SCTR: variants seen among roughly 807,000 people sequenced by gnomAD.
SCTR encodes secretin receptor.
In SCTR, 56 loss-of-function variants were observed where a neutral mutation model predicts 60.8. The observed-to-expected ratio is 0.92, with a 90% CI of 0.74 to 1.15. The LOEUF is 1.15. SCTR is among the 50% of genes most tolerant of loss of function. The probability of loss-of-function intolerance (pLI) is 0.00; values close to 1 mark genes in which losing one functional copy is unlikely to be tolerated. For missense variants in SCTR, 562 were observed against 550.4 expected, an observed-to-expected ratio of 1.02 and a Z score of -0.21; for synonymous variants, 202 against 217.0, an observed-to-expected ratio of 0.93 and a Z score of 0.61.
At chr2:119,496,762 C>CCACT (rs1199517697) in intron 1 of SCTR, among the ~76,000 whole-genome samples, 2 of 152,186 alleles carry the variant, frequency 1.3e-5, no homozygotes, top group Non-Finnish European at 2.9e-5. Context: ...TCTAGCGAAA[C>CCACT]AGAAAACTTT....
chr2:119,469,380 C>T (rs575282475), intron 4 of SCTR, among the ~76,000 whole-genome samples: 43 of 152,240 alleles, frequency 2.8e-4, no homozygotes, highest in Admixed American at 1.1e-3. Flanking sequence ...GTGACCAGCC[C>T]GCTTCTCATG....
At chr2:119,470,898 G>A (rs1455220426) in intron 4 of SCTR, among the ~76,000 whole-genome samples, 2 of 152,076 alleles carry the variant, frequency 1.3e-5, no homozygotes, top group Admixed American at 1.3e-4. Flanking sequence ...ACAGAGTTTC[G>A]CCATGTTGGC....
Position 119,524,258 on chromosome 2 carries a change from C to G in SCTR, c.-32G>C. ...CGCACGTTCCCCGAGGGCGCCCCGA[C>G]GTCCGCCTGCCCGTGCCCTCTGCCC... On this transcript the variant is annotated 5_prime_UTR_variant, in exon 1 of 13. Transcript: ENST00000019103. 1 of 1,391,764 alleles carries G rather than the reference C, an allele frequency of 7.2e-7. No individual in the cohort carries two copies. The highest frequency in any genetic ancestry group is 9.4e-7 in the Non-Finnish European group (1 of 1,064,660). 86.2% of individuals were successfully genotyped at this position (1,391,764 alleles called of 1,614,324 possible).
intron 1 of SCTR, among the ~76,000 whole-genome samples, chr2:119,495,213 A>T (rs1316616043): frequency 1.3e-5 from 2 of 152,222 alleles, no homozygotes; most frequent in Non-Finnish European, 2.9e-5. Context: ...ACTGGTATCA[A>T]ACTCCTGGGA....
At chr2:119,452,310 G>A (rs1683205196) in intron 8 of SCTR, among the ~76,000 whole-genome samples, 2 of 152,184 alleles carry the variant, frequency 1.3e-5, no homozygotes, top group Admixed American at 6.5e-5. Context: ...TGAGAGCCGG[G>A]AGACTCCCAG....
chr2:119,462,114 C>T (rs893610), intron 6 of SCTR, 114 bp from the exon 7 acceptor site: 160,242 of 1,025,120 alleles, frequency 0.16, 14,055 homozygotes, highest in South Asian at 0.28. Flanking sequence ...GCCACAAGAG[C>T]GGGCCTCTGG....
intron 3 of SCTR, chr2:119,476,771 A>G (rs1352947493): frequency 6.6e-6 from 1 of 152,492 alleles, no homozygotes; most frequent in Non-Finnish European, 1.5e-5. Context: ...AGTCCTTTCC[A>G]TCAGGAGAAA....
At chr2:119,513,139 G>A (rs1191835610) in intron 1 of SCTR, among the ~76,000 whole-genome samples, 1 of 152,200 alleles carries the variant, frequency 6.6e-6, no homozygotes, top group African/African-American at 2.4e-5. Flanking sequence ...CCTTTCCAGG[G>A]TGCCACAGGA....
intron 7 of SCTR, among the ~76,000 whole-genome samples, chr2:119,456,224 C>A (rs560996976): frequency 6.6e-6 from 1 of 152,068 alleles, no homozygotes; most frequent in African/African-American, 2.4e-5. Flanking sequence ...CCACCCCTGA[C>A]TAATTTTTGT....
At chr2:119,462,202 T>G (rs545101673) in intron 6 of SCTR, among the ~76,000 whole-genome samples, 70 of 152,270 alleles carry the variant, frequency 4.6e-4, no homozygotes, top group African/African-American at 1.7e-3. Context: ...ACAGGCCTAG[T>G]GGGTTCAGTC....
chr2:119,440,407 C>T, intron 12 of SCTR, 150 bp from the exon 13 acceptor site: 1 of 852,178 alleles, frequency 1.2e-6, no homozygotes, highest in African/African-American at 1.7e-5. Context: ...TTGACTGTTT[C>T]CAGCCCCAAT....
chr2:119,469,511 GAC>G (rs1160279887), intron 4 of SCTR, among the ~76,000 whole-genome samples: 42 of 152,132 alleles, frequency 2.8e-4, no homozygotes, highest in African/African-American at 9.9e-4. Flanking sequence ...TGGTTTTTGA[GAC>G]AGGGTCTCAC....
At chr2:119,459,579 G>A (rs946250173) in intron 7 of SCTR, among the ~76,000 whole-genome samples, 2 of 152,176 alleles carry the variant, frequency 1.3e-5, no homozygotes, top group African/African-American at 4.8e-5. Flanking sequence ...GGACCCTTCA[G>A]GGTCTCTTTG....
chr2:119,460,124 A>G (rs1283126840), intron 7 of SCTR, among the ~76,000 whole-genome samples: 1 of 151,872 alleles, frequency 6.6e-6, no homozygotes, highest in Non-Finnish European at 1.5e-5. Flanking sequence ...AGGGCTCAGC[A>G]AGCTCTGCCA....
chr2:119,488,984 C>G (rs1237862162), intron 2 of SCTR, among the ~76,000 whole-genome samples: 1 of 152,218 alleles, frequency 6.6e-6, no homozygotes, highest in African/African-American at 2.4e-5. Context: ...AGTGGCCTCA[C>G]AGCAGACCCT....
At chr2:119,503,036 G>A (rs777272945) in intron 1 of SCTR, among the ~76,000 whole-genome samples, 1 of 150,860 alleles carries the variant, frequency 6.6e-6, no homozygotes, top group Non-Finnish European at 1.5e-5. Context: ...GCAGCCACAT[G>A]TAGTCCCAGC....
chr2:119,520,854 A>G (rs1178553506), intron 1 of SCTR, among the ~76,000 whole-genome samples: 1 of 152,060 alleles, frequency 6.6e-6, no homozygotes, highest in Non-Finnish European at 1.5e-5. Context: ...TGAAATGAAT[A>G]CCTATTGTTA....
At chr2:119,513,172 C>T (rs1029566812) in intron 1 of SCTR, among the ~76,000 whole-genome samples, 2 of 152,246 alleles carry the variant, frequency 1.3e-5, no homozygotes, top group African/African-American at 4.8e-5. Context: ...TTCTCCTCTG[C>T]CTGCTACAGG....
intron 1 of SCTR, among the ~76,000 whole-genome samples, chr2:119,504,012 A>C (rs1192937649): frequency 2.6e-5 from 4 of 152,226 alleles, no homozygotes; most frequent in Non-Finnish European, 5.9e-5. Context: ...ACCTGATTTT[A>C]AGATGTATTA....
Sources: gnomAD v4.1 joint callset for allele counts (sites outside exome capture counted in the v4.1 genomes callset) on GRCh38, gnomAD v4.1.1 for gene constraint, MANE v1.5 for transcripts, NCBI Gene and HGNC (gene_info 2026-07-23, HGNC 2026-07-21) for gene names.